Variants in ASXL2 observed in about 807,000 individuals in gnomAD.
ASXL2 encodes putative Polycomb group protein ASXL2.
In ASXL2, 23 loss-of-function variants were observed where a neutral mutation model predicts 122.0. The observed-to-expected ratio is 0.19, with a 90% confidence interval of 0.14 to 0.27. The LOEUF (loss-of-function observed/expected upper bound fraction) is 0.27. Among genes scored for constraint, ASXL2 ranks in the 10% least tolerant of loss-of-function variants. ASXL2 has a pLI of 1.00. For synonymous variants in ASXL2, 650 were observed against 637.0 expected, an observed-to-expected ratio of 1.02 and a Z score of -0.31; for missense variants, 1,518 against 1,713.8, an observed-to-expected ratio of 0.89 and a Z score of 2.02.
At chr2:25,847,253 T>C (rs564852824) in intron 1 of ASXL2, among the ~76,000 whole-genome samples, 6 of 152,348 alleles carry the variant, frequency 3.9e-5, no homozygotes, top group Admixed American at 6.5e-5. Flanking sequence ...TGTATCATCT[T>C]CCTTGATCTC....
intron 1 of ASXL2, among the ~76,000 whole-genome samples, chr2:25,870,029 A>G (rs2089950944): frequency 1.3e-5 from 2 of 151,892 alleles, no homozygotes; most frequent in Non-Finnish European, 2.9e-5. Flanking sequence ...TAAGCCCAGG[A>G]GTTTGATGCT....
chr2:25,745,912 C>T (rs562728025), intron 12 of ASXL2, among the ~76,000 whole-genome samples: 89 of 152,202 alleles, frequency 5.8e-4, no homozygotes, highest in African/African-American at 2.0e-3. Flanking sequence ...TCCCAAAGTG[C>T]TGGGATTACA....
chr2:25,847,596 T>G (rs1026490605), intron 1 of ASXL2, among the ~76,000 whole-genome samples: 1 of 152,214 alleles, frequency 6.6e-6, no homozygotes, highest in Non-Finnish European at 1.5e-5. Context: ...TCATCCAAGT[T>G]AAGGCCCATA....
intron 5 of ASXL2, among the ~76,000 whole-genome samples, chr2:25,772,086 T>C (rs1346911320): frequency 6.6e-6 from 1 of 152,246 alleles, no homozygotes; most frequent in East Asian, 1.9e-4. Context: ...GCATAAGATG[T>C]AACCACTCTC....
chr2:25,812,519 T>G (rs1219859382), intron 3 of ASXL2, among the ~76,000 whole-genome samples: 3 of 152,160 alleles, frequency 2.0e-5, no homozygotes, highest in South Asian at 4.1e-4. Flanking sequence ...GACAAGGTTA[T>G]GGGCAAATAG....
chr2:25,772,171 T>A (rs544694659), intron 5 of ASXL2, among the ~76,000 whole-genome samples: 100 of 152,266 alleles, frequency 6.6e-4, no homozygotes, highest in African/African-American at 2.2e-3. Flanking sequence ...CGAACAAGGG[T>A]TCTTTAAGAA....
chr2:25,773,303 C>T (rs1204982436), intron 5 of ASXL2, among the ~76,000 whole-genome samples: 1 of 151,864 alleles, frequency 6.6e-6, no homozygotes, highest in Non-Finnish European at 1.5e-5. Flanking sequence ...TGGAAAAGAG[C>T]TGATGTACAA....
intron 5 of ASXL2, among the ~76,000 whole-genome samples, chr2:25,788,856 GGC>G (rs2088788579): frequency 1.3e-5 from 2 of 151,654 alleles, no homozygotes. Context: ...ACTTCTCTGT[GGC>G]TTGCCTTTTC....
chr2:25,812,675 C>G (rs887375122), intron 3 of ASXL2, among the ~76,000 whole-genome samples: 1 of 152,102 alleles, frequency 6.6e-6, no homozygotes, highest in Admixed American at 6.5e-5. Context: ...TGAATCTGTC[C>G]TACAAAACCA....
intron 5 of ASXL2, among the ~76,000 whole-genome samples, chr2:25,793,119 G>GCT (rs2088861063): frequency 6.6e-6 from 1 of 151,938 alleles, no homozygotes; most frequent in Non-Finnish European, 1.5e-5. Flanking sequence ...TGTAGTCCCA[G>GCT]CTACTGGGGA....
intron 5 of ASXL2, among the ~76,000 whole-genome samples, chr2:25,779,750 A>C (rs1357935397): frequency 6.6e-6 from 1 of 152,372 alleles, no homozygotes; most frequent in Middle Eastern, 3.4e-3. Flanking sequence ...ATATAAGTCT[A>C]GCTCTCTTCC....
At chr2:25,812,269 G>C (rs1003825159) in intron 3 of ASXL2, among the ~76,000 whole-genome samples, 1 of 151,524 alleles carries the variant, frequency 6.6e-6, no homozygotes, top group Non-Finnish European at 1.5e-5. Flanking sequence ...GACCAGCCTG[G>C]CCAACATGGT....
intron 1 of ASXL2, among the ~76,000 whole-genome samples, chr2:25,849,102 A>G (rs1456464490): frequency 3.0e-5 from 3 of 101,502 alleles, no homozygotes; most frequent in African/African-American, 1.3e-4. Flanking sequence ...TTTTAAAAAA[A>G]TGTTTATCAC....
chr2:25,874,213 G>A (rs963901119), intron 1 of ASXL2, among the ~76,000 whole-genome samples: 7 of 152,260 alleles, frequency 4.6e-5, no homozygotes, highest in South Asian at 2.1e-4. Context: ...TGTGGGCCCC[G>A]CACAGTGGCT....
chr2:25,763,088 C>A (rs141324999), intron 8 of ASXL2, among the ~76,000 whole-genome samples: 121 of 152,200 alleles, frequency 8.0e-4, no homozygotes, highest in African/African-American at 2.3e-3. Context: ...ACTGAAAGAA[C>A]AGGGAGAACT....
At chr2:25,856,340 A>C (rs1383614454) in intron 1 of ASXL2, 2 of 466,712 alleles carry the variant, frequency 4.3e-6, no homozygotes, top group Non-Finnish European at 7.8e-6. Flanking sequence ...TACAGGCATG[A>C]GCCACTGCTC....
chr2:25,831,004 AAG>A (rs1232345026), intron 3 of ASXL2: 2 of 152,328 alleles, frequency 1.3e-5, no homozygotes, highest in Non-Finnish European at 2.9e-5. Flanking sequence ...AGAAAAGAGA[AAG>A]AGAGTAGGGG....
chr2:25,815,548 T>A (rs1174665332), intron 3 of ASXL2, among the ~76,000 whole-genome samples: 1 of 152,152 alleles, frequency 6.6e-6, no homozygotes, highest in Non-Finnish European at 1.5e-5. Flanking sequence ...CTGACTCAAC[T>A]GTAAGCGAGC....
At chr2:25,759,724 TA>T in intron 8 of ASXL2, 79 bp from the exon 9 acceptor site, 1 of 1,413,750 alleles carries the variant, frequency 7.1e-7, no homozygotes, top group East Asian at 2.3e-5. Context: ...CTGTGCAGTA[TA>T]AAAAATCCAC....
Sources: gnomAD v4.1 joint callset for allele counts (sites outside exome capture counted in the v4.1 genomes callset) on GRCh38, gnomAD v4.1.1 for gene constraint, MANE v1.5 for transcripts, NCBI Gene and HGNC (gene_info 2026-07-23, HGNC 2026-07-21) for gene names.